Variants in ZEB1 observed in about 807,000 individuals in gnomAD.
The protein encoded by ZEB1 is zinc finger E-box binding homeobox 1.
In ZEB1, 21 loss-of-function variants were observed where a neutral mutation model predicts 84.9. The ratio of observed to expected loss-of-function variants is 0.25; its 90% CI spans 0.18 to 0.36. ZEB1 has a LOEUF of 0.36. Among genes scored for constraint, ZEB1 ranks in the 10% least tolerant of loss-of-function variants. The probability of loss-of-function intolerance (pLI) is 1.00; values close to 1 mark genes in which losing one functional copy is unlikely to be tolerated. For missense variants in ZEB1, 1,104 were observed against 1,330.2 expected (o/e 0.83, Z 2.65); for synonymous variants, 420 against 471.1 (o/e 0.89, Z 1.41).
At chr10:31,353,244 T>G (rs1021384241) in intron 1 of ZEB1, among the ~76,000 whole-genome samples, 2 of 152,232 alleles carry the variant, frequency 1.3e-5, no homozygotes, top group African/African-American at 4.8e-5. Flanking sequence ...TTAATTTTTA[T>G]ATTTGTGATT....
chr10:31,479,723 A>G (rs2064788201), intron 2 of ZEB1, among the ~76,000 whole-genome samples: 1 of 151,984 alleles, frequency 6.6e-6, no homozygotes, highest in South Asian at 2.1e-4. Flanking sequence ...TGTAGTAAGT[A>G]CCTTTAAAAA....
intron 1 of ZEB1, among the ~76,000 whole-genome samples, chr10:31,327,226 T>A (rs2133144985): frequency 6.6e-6 from 1 of 151,594 alleles, no homozygotes; most frequent in East Asian, 1.9e-4. Context: ...TTCTCCCGCT[T>A]CAGCCTCCCA....
intron 1 of ZEB1, among the ~76,000 whole-genome samples, chr10:31,417,720 G>A (rs1345970650): frequency 6.6e-6 from 1 of 151,696 alleles, no homozygotes; most frequent in East Asian, 1.9e-4. Flanking sequence ...TTTTAACCAG[G>A]CAGTATCTCT....
chr10:31,518,607 CTGCA>C (rs2071645908), intron 6 of ZEB1, among the ~76,000 whole-genome samples: 2 of 152,050 alleles, frequency 1.3e-5, no homozygotes. Context: ...GAGAATGTAT[CTGCA>C]TTTGCACATT....
intron 2 of ZEB1, among the ~76,000 whole-genome samples, chr10:31,481,286 G>A (rs1251137271): frequency 2.0e-5 from 3 of 151,940 alleles, no homozygotes; most frequent in African/African-American, 7.2e-5. Flanking sequence ...TATAGATGGG[G>A]TATGTTAGTG....
In ZEB1 at chr10:31,343,108, C is replaced by T. The variant is rs74129925; in HGVS notation, c.58+23816C>T. Among the ~76,000 whole-genome samples, 336 of 152,178 alleles carry T rather than the reference C, an allele frequency of 2.2e-3. 2 individuals carry two copies. Among genetic ancestry groups the T allele is most frequent in the African/African-American group, 7.4e-3 (307 of 41,542 alleles). On this transcript the variant is annotated intron_variant, in intron 1 of 8. Coordinates refer to ENST00000424869, the MANE Select transcript of ZEB1 (RefSeq NM_001174096.2). Reference sequence around the variant, plus strand: ...TTGCATTTATTCTCAGTTTCCTTGCCGATCCTTTTACCCTTCCCCTCCCCC... The same window carrying T: ...TTGCATTTATTCTCAGTTTCCTTGCTGATCCTTTTACCCTTCCCCTCCCCC...
intron 1 of ZEB1, among the ~76,000 whole-genome samples, chr10:31,332,132 T>C (rs897961565): frequency 6.6e-6 from 1 of 152,174 alleles, no homozygotes; most frequent in Non-Finnish European, 1.5e-5. Context: ...ATAATACTAA[T>C]AGATTTGCAT....
chr10:31,408,233 G>C (rs1025565874), intron 1 of ZEB1, among the ~76,000 whole-genome samples: 8 of 150,300 alleles, frequency 5.3e-5, no homozygotes, highest in African/African-American at 2.0e-4. Context: ...CACTGGTCAA[G>C]GAAATAAAAG....
chr10:31,416,376 A>C (rs1017735055), intron 1 of ZEB1, among the ~76,000 whole-genome samples: 5 of 152,126 alleles, frequency 3.3e-5, no homozygotes, highest in Non-Finnish European at 7.4e-5. Context: ...ATAAAATACT[A>C]ATTTATTTCT....
At chr10:31,444,160 C>G (rs1258260004) in intron 1 of ZEB1, among the ~76,000 whole-genome samples, 1 of 149,922 alleles carries the variant, frequency 6.7e-6, no homozygotes, top group Non-Finnish European at 1.5e-5. Flanking sequence ...TCTCTGATGG[C>G]TAGTGATGAT....
chr10:31,481,353 CAGT>C, intron 2 of ZEB1, among the ~76,000 whole-genome samples: 1 of 152,066 alleles, frequency 6.6e-6, no homozygotes, highest in African/African-American at 2.4e-5. Flanking sequence ...CAGTGACACC[CAGT>C]AGTAGTGAAC....
rs140217290 is a variant in ZEB1 at position 31,527,130 on chromosome 10, G to C, written c.3244G>C (p.Glu1082Gln). ...GGAAGAAGAAGAGGTAGAAGAGGCAGAGAATGAGGGAGAAGAAGCAAAAAC... is the reference window on the plus strand; with the variant it reads ...GGAAGAAGAAGAGGTAGAAGAGGCACAGAATGAGGGAGAAGAAGCAAAAAC... ...EVEEEEVEEA[E>Q]NEGEEAKTEG... is the part of the protein sequence containing the mutation. The change falls in exon 9 of 9, where the codon GAG becomes CAG. Residue 1082 changes from glutamate (E) to glutamine (Q), a missense_variant. Physicochemically the swap from Glu to Gln is conservative, Grantham distance 29 (BLOSUM62 2). Coordinates refer to ENST00000424869, the MANE Select transcript of ZEB1 (RefSeq NM_001174096.2). The C allele has an allele frequency of 6.2e-7, 1 of 1,607,536 alleles. No homozygotes were observed. Among genetic ancestry groups the C allele is most frequent in the Non-Finnish European group, 8.5e-7 (1 of 1,176,742 alleles).
Position 31,510,849 on chromosome 10 carries a change from A to G in ZEB1, c.661A>G (p.Thr221Ala), listed in dbSNP as rs1053577312. The G allele has an allele frequency of 1.2e-6, 2 of 1,613,788 alleles. No individual in the cohort carries two copies. Among genetic ancestry groups the G allele is most frequent in the African/African-American group, 1.3e-5 (1 of 74,940 alleles). Residue 221 changes from threonine to alanine, a missense_variant, in exon 5 of 9, where the codon ACA (threonine) becomes GCA (alanine). Transcript: ENST00000424869. Reference sequence around the variant, plus strand: ...CAGAACCCAACTTGAACGTCACATGACATCACATAAATCAGGAAGAGATCA... The same window carrying G: ...CAGAACCCAACTTGAACGTCACATGGCATCACATAAATCAGGAAGAGATCA... ...AYRTQLERHMTSHKSGRDQRH... is the reference protein window; with the variant it reads ...AYRTQLERHMASHKSGRDQRH...
intron 1 of ZEB1, among the ~76,000 whole-genome samples, chr10:31,431,802 A>T (rs1248066101): frequency 6.6e-6 from 1 of 152,212 alleles, no homozygotes; most frequent in Non-Finnish European, 1.5e-5. Flanking sequence ...GAAAATTCTT[A>T]ATTATAACTG....
intron 2 of ZEB1, among the ~76,000 whole-genome samples, chr10:31,482,877 C>A (rs2065229213): frequency 6.6e-6 from 1 of 152,008 alleles, no homozygotes; most frequent in African/African-American, 2.4e-5. Flanking sequence ...ATTCCTAGAT[C>A]TCTGACTCTT....
intron 2 of ZEB1, among the ~76,000 whole-genome samples, chr10:31,476,858 A>G (rs1565041173): frequency 6.6e-6 from 1 of 152,100 alleles, no homozygotes; most frequent in South Asian, 2.1e-4. Flanking sequence ...GTAAAATTCA[A>G]TGTCACTTCA....
intron 1 of ZEB1, among the ~76,000 whole-genome samples, chr10:31,339,188 T>C (rs28464585): frequency 0.048 from 7,374 of 152,294 alleles, 186 homozygotes; most frequent in South Asian, 0.065. Flanking sequence ...ACTATATATA[T>C]AGATATAAAA....
chr10:31,445,021 G>A (rs368813603), intron 1 of ZEB1, among the ~76,000 whole-genome samples: 3,775 of 147,792 alleles, frequency 0.026, 92 homozygotes, highest in African/African-American at 0.072. Context: ...GGCCATTTTC[G>A]CGATATTGAT....
intron 1 of ZEB1, among the ~76,000 whole-genome samples, chr10:31,407,976 A>C (rs2053466266): frequency 6.7e-6 from 1 of 148,282 alleles, no homozygotes; most frequent in African/African-American, 2.5e-5. Flanking sequence ...AGATGACATG[A>C]TTGTATATCT....
Sources: allele counts gnomAD v4.1 joint callset (sites outside exome capture counted in the v4.1 genomes callset), GRCh38; gene constraint gnomAD v4.1.1; transcripts MANE v1.5; gene names NCBI Gene and HGNC (gene_info 2026-07-23, HGNC 2026-07-21).